The following POLR3E variants were observed in gnomAD, a reference collection of about 807,000 sequenced individuals.
POLR3E encodes DNA-directed RNA polymerase III subunit RPC5.
Under a neutral mutation model 96.6 loss-of-function variants are expected in POLR3E, and 41 were observed. The ratio of observed to expected loss-of-function variants is 0.42; its 90% CI spans 0.33 to 0.55. The LOEUF is 0.55. POLR3E is among the 20% of genes least tolerant of loss of function. The pLI, the probability that POLR3E is intolerant of heterozygous loss-of-function variation, is 0.06. For missense variants in POLR3E, 849 were observed against 952.1 expected (o/e 0.89, Z 1.43); for synonymous variants, 396 against 383.6 (o/e 1.03, Z -0.38).
At chr16:22,325,593 C>T (rs994761263) in intron 17 of POLR3E, among the ~76,000 whole-genome samples, 168 bp from the exon 18 acceptor site, 8 of 152,158 alleles carry the variant, frequency 5.3e-5, no homozygotes, top group African/African-American at 1.7e-4. Context: ...GCATGACTCT[C>T]GGCACGCTGG....
rs752682048 is a variant in POLR3E, at chr16:22,333,746, A to G, written c.*46A>G. ...CCCAGCAAATCTAAGCCCAAGGAAG[A>G]AGGGCGGAACCAGAAGTAGGGCCTC... On this transcript the variant is annotated 3_prime_UTR_variant, in exon 21 of 21. Transcript: ENST00000299853. 7.2e-7 allele frequency: 1 copy of G among 1,383,188 alleles called. No individual in the cohort carries two copies. The highest frequency in any genetic ancestry group is 1.0e-6 in the Non-Finnish European group (1 of 969,256). The allele number at this position is 1,383,188 out of a possible 1,614,324, so 85.7% of individuals were successfully genotyped here.
chr16:22,309,551 G>T (rs759227497), intron 6 of POLR3E, 41 bp downstream of exon 6: 3 of 1,350,978 alleles, frequency 2.2e-6, no homozygotes, highest in Non-Finnish European at 3.2e-6. Context: ...ACATGGCATT[G>T]GGGGGGGCTG....
chr16:22,308,909 T>A lies in POLR3E; in HGVS notation c.166-16T>A. 1 of 1,576,338 alleles carries A rather than the reference T, an allele frequency of 6.3e-7. No homozygotes were observed. The highest frequency in any genetic ancestry group is 8.7e-7 in the Non-Finnish European group (1 of 1,146,602). On this transcript the variant is annotated splice_polypyrimidine_tract_variant and intron_variant, in intron 4 of 20. Coordinates refer to ENST00000299853, the MANE Select transcript of POLR3E (RefSeq NM_018119.4). ...TTGGGGTCCTCATAGCTGGTGGGGG[T>A]GCTTGGTGCCTCCAGGTAGAGCTTG...
At chr16:22,320,891 G>A (rs201662546) in intron 13 of POLR3E, among the ~76,000 whole-genome samples, 3 of 152,260 alleles carry the variant, frequency 2.0e-5, no homozygotes, top group African/African-American at 7.2e-5. Flanking sequence ...TGGCAGTTTT[G>A]TTCTTATTCC....
Position 22,313,666 on chromosome 16 carries a change from C to T in POLR3E, c.411C>T (p.Pro137=). The T allele has an allele frequency of 2.5e-6, 4 of 1,614,002 alleles. No homozygotes were observed. The highest frequency in any genetic ancestry group is 3.4e-6 in the Non-Finnish European group (4 of 1,179,956). Residue 137 remains proline, a synonymous_variant, in exon 7 of 21, where the codon CCC becomes CCT. Coordinates refer to ENST00000299853, the MANE Select transcript of POLR3E (RefSeq NM_018119.4). The surrounding 1 kb of genome is among the most constrained non-coding windows in gnomAD (Gnocchi z 4.1). ...TPLHGILQLR[P]SFSYLDKADA... ...TACATGGCATCCTGCAGCTGCGGCC[C>T]AGCTTCTCCTACCTGGATAAGGCTG...
chr16:22,334,537 CAG>C lies in POLR3E; in HGVS notation c.*840_*841del, dbSNP rs1274284805. 1.3e-5 allele frequency: 2 copies of C among 152,174 alleles called. No homozygotes were observed. Among genetic ancestry groups the C allele is most frequent in the Admixed American group, 6.5e-5 (1 of 15,276 alleles). 9.4% of individuals were successfully genotyped at this position (152,174 alleles called of 1,614,324 possible). ...AGGGAACGGAGCTAATGGAGGAAGACAGAGCAGCACTGTCCACTAGAAAGAGG... is the reference window on the plus strand; with the variant it reads ...AGGGAACGGAGCTAATGGAGGAAGACAGCAGCACTGTCCACTAGAAAGAGG... On this transcript the variant is annotated 3_prime_UTR_variant, in exon 21 of 21. Transcript: ENST00000299853.
At chr16:22,304,242 G>A (rs958428321) in intron 2 of POLR3E, among the ~76,000 whole-genome samples, 10 of 152,176 alleles carry the variant, frequency 6.6e-5, no homozygotes, top group East Asian at 1.9e-4. Flanking sequence ...CCTTATATGC[G>A]GAGCCTGACC....
At chr16:22,319,042 T>G in intron 13 of POLR3E, 96 bp downstream of exon 13, 1 of 870,684 alleles carries the variant, frequency 1.1e-6, no homozygotes, top group East Asian at 2.9e-5. Context: ...TGGCGCAATC[T>G]CGGCTCACTG....
rs746026376 is a variant in POLR3E, at chr16:22,332,211, C to T, written c.2070+26C>T. On this transcript the variant is annotated intron_variant, in intron 20 of 20. Coordinates refer to ENST00000299853, the MANE Select transcript of POLR3E (RefSeq NM_018119.4). ...GTACATCCATTTTGTGCATAACAAA[C>T]AATATCAAAGGCTCTGGAAGGGGCT... 4 of 1,604,022 alleles carry T rather than the reference C, an allele frequency of 2.5e-6. No homozygotes were observed. The South Asian group carries it at 4.4e-5, about 18-fold the overall frequency.
At chr16:22,315,677 A>T (rs28485556) in intron 9 of POLR3E, among the ~76,000 whole-genome samples, 30,085 of 151,422 alleles carry the variant, frequency 0.2, 7,013 homozygotes, top group African/African-American at 0.57. Context: ...TTTATTTATT[A>T]TTTATTTATT....
At chr16:22,312,530 G>A (rs1308085373) in intron 6 of POLR3E, among the ~76,000 whole-genome samples, 1 of 151,876 alleles carries the variant, frequency 6.6e-6, no homozygotes, top group Non-Finnish European at 1.5e-5. Flanking sequence ...CCTTAAATGA[G>A]TGGACTATAT....
chr16:22,323,017 G>C, intron 14 of POLR3E, 86 bp downstream of exon 14: 1 of 872,614 alleles, frequency 1.1e-6, no homozygotes, highest in Admixed American at 2.1e-5. Flanking sequence ...CCGGGGCCCG[G>C]CAGAGGCTCC....
At chr16:22,301,001 T>G (rs1598230132) in intron 1 of POLR3E, among the ~76,000 whole-genome samples, 4 of 150,666 alleles carry the variant, frequency 2.7e-5, no homozygotes, top group African/African-American at 9.8e-5. Context: ...TGTCACATGG[T>G]GATAGACACC....
At chr16:22,309,249 C>A (rs1189198071) in intron 5 of POLR3E, 179 bp from the exon 6 acceptor site, 13 of 702,700 alleles carry the variant, frequency 1.9e-5, no homozygotes, top group Non-Finnish European at 3.1e-5. Flanking sequence ...GGTCTACAAA[C>A]AAGGCCATGG....
intron 6 of POLR3E, among the ~76,000 whole-genome samples, chr16:22,312,873 C>CAAA (rs1167609047): frequency 0.013 from 405 of 30,282 alleles, 24 homozygotes; most frequent in East Asian, 0.11. Context: ...CACTCCATCT[C>CAAA]AAAAAAAAAA....
At position 22,335,034 on chromosome 16, in the gene POLR3E, A is replaced by C. The variant is rs555057146; in HGVS notation, c.*1334A>C. ...AAGTATTTGGTAACATCACTTAACA[A>C]GTTGATCGTGTATTGATTCTGTTAA... On this transcript the variant is annotated 3_prime_UTR_variant, in exon 21 of 21. Transcript: ENST00000299853. The C allele has an allele frequency of 6.6e-6, 1 of 152,382 alleles. No individual in the cohort carries two copies. The highest frequency in any genetic ancestry group is 2.1e-4 in the South Asian group (1 of 4,832). The allele number at this position is 152,382 out of a possible 1,614,324, so 9.4% of individuals were successfully genotyped here.
rs771101931 is a variant in POLR3E at position 22,332,173 on chromosome 16, T to C, written c.2058T>C (p.Asp686=). Residue 686 remains aspartate, a synonymous_variant, in exon 20 of 21, where the codon GAT becomes GAC. Coordinates refer to ENST00000299853, the MANE Select transcript of POLR3E (RefSeq NM_018119.4). ...AAGATCTCAGTAAACAGGAGGTGGA[T>C]AAAGTACTAAAGGTACATCCATTTT... ...CGEDLSKQEV[D]KVLKDCCVSY... The C allele has an allele frequency of 6.2e-7, 1 of 1,613,422 alleles. No homozygotes were observed. Among genetic ancestry groups the C allele is most frequent in the Admixed American group, 1.7e-5 (1 of 59,972 alleles).
intron 14 of POLR3E, among the ~76,000 whole-genome samples, chr16:22,324,013 A>G (rs1350014774): frequency 6.6e-6 from 1 of 152,074 alleles, no homozygotes; most frequent in Non-Finnish European, 1.5e-5. Flanking sequence ...AGTGCCGCCT[A>G]TGCAGACAGC....
chr16:22,300,092 G>T (rs1323099775), intron 1 of POLR3E, among the ~76,000 whole-genome samples: 1 of 152,208 alleles, frequency 6.6e-6, no homozygotes, highest in Non-Finnish European at 1.5e-5. Flanking sequence ...AGACTTGGAT[G>T]AGTGCTTTTC....
Sources: gnomAD v4.1 joint callset for allele counts (sites outside exome capture counted in the v4.1 genomes callset) on GRCh38, gnomAD v4.1.1 for gene constraint, Gnocchi (gnomAD v3.1) non-coding constraint, MANE v1.5 for transcripts, NCBI Gene and HGNC (gene_info 2026-07-23, HGNC 2026-07-21) for gene names.